SAMD12: variants seen among roughly 807,000 people sequenced by gnomAD.
The protein encoded by SAMD12 is sterile alpha motif domain-containing protein 12.
In SAMD12, 9 loss-of-function variants were observed where a neutral mutation model predicts 15.0. The ratio of observed to expected loss-of-function variants is 0.60; its 90% CI spans 0.36 to 1.05. The LOEUF (loss-of-function observed/expected upper bound fraction) is 1.05. Ranked by LOEUF, SAMD12 falls within the 50% of genes least tolerant of loss-of-function variation. The pLI, the probability that SAMD12 is intolerant of heterozygous loss-of-function variation, is 0.01. For synonymous variants in SAMD12, 86 were observed against 90.1 expected (o/e 0.96, Z 0.25); for missense variants, 230 against 234.2 (o/e 0.98, Z 0.12).
chr8:118,474,205 C>G (rs1269496258), intron 2 of SAMD12, among the ~76,000 whole-genome samples: 1 of 151,898 alleles, frequency 6.6e-6, no homozygotes, highest in African/African-American at 2.4e-5. Context: ...AAGTGATCCT[C>G]CCACCTCGGC....
chr8:118,139,835 CA>C, the SAMD12 span, among the ~76,000 whole-genome samples: 1 of 152,234 alleles, frequency 6.6e-6, no homozygotes, highest in African/African-American at 2.4e-5. Context: ...GGCTCTCATT[CA>C]AACTCTGTCA....
At chr8:118,254,670 A>G (rs1377929995) in intron 4 of SAMD12, among the ~76,000 whole-genome samples, 1 of 151,956 alleles carries the variant, frequency 6.6e-6, no homozygotes, top group Non-Finnish European at 1.5e-5. Context: ...GCCACACCAC[A>G]TGACAGGCCT....
chr8:118,196,426 G>T (rs1169126673), exon 5 of SAMD12: 1 of 152,044 alleles, frequency 6.6e-6, no homozygotes, highest in Non-Finnish European at 1.5e-5. Flanking sequence ...ATATGAACAT[G>T]TCTCTAATGC....
intron 4 of SAMD12, among the ~76,000 whole-genome samples, chr8:118,312,298 G>GC (rs1815671294): frequency 6.6e-6 from 1 of 152,052 alleles, no homozygotes; most frequent in Non-Finnish European, 1.5e-5. Context: ...TCTGACTGCT[G>GC]CTCTACACTA....
chr8:118,352,102 C>A (rs1355850249), intron 4 of SAMD12, among the ~76,000 whole-genome samples: 4 of 152,200 alleles, frequency 2.6e-5, no homozygotes, highest in Admixed American at 2.6e-4. Flanking sequence ...ATGCGTTTAA[C>A]ACTGTGCACA....
chr8:118,468,883 C>T (rs142183122), intron 2 of SAMD12, among the ~76,000 whole-genome samples: 1,561 of 152,286 alleles, frequency 0.01, 34 homozygotes, highest in African/African-American at 0.035. Flanking sequence ...TGATGACTAA[C>T]GAGATGCAAA....
At chr8:118,302,930 T>C (rs1418784938) in intron 4 of SAMD12, among the ~76,000 whole-genome samples, 6 of 152,186 alleles carry the variant, frequency 3.9e-5, no homozygotes, top group African/African-American at 1.4e-4. Flanking sequence ...ATATATTAAA[T>C]CAAAGTGCAA....
rs534843222 is a variant in SAMD12, at chr8:118,259,537, T to C, written c.434-61805A>G. On this transcript the variant is annotated intron_variant, in intron 4 of 4. Coordinates refer to the SAMD12 transcript ENST00000409003. Reference sequence around the variant, plus strand: ...ATGAGACTGAGAAACCCTGGTTTAGTGGAACACAATTTAATCATTTGAAAA... The same window carrying C: ...ATGAGACTGAGAAACCCTGGTTTAGCGGAACACAATTTAATCATTTGAAAA... Among the ~76,000 whole-genome samples the C allele has an allele frequency of 1.9e-3, 282 of 152,234 alleles. 1 individual carries two copies. The highest frequency in any genetic ancestry group is 0.015 in the South Asian group (74 of 4,828).
At chr8:118,416,948 A>C (rs1489188725) in intron 3 of SAMD12, among the ~76,000 whole-genome samples, 1 of 152,218 alleles carries the variant, frequency 6.6e-6, no homozygotes, top group Non-Finnish European at 1.5e-5. Context: ...AAAAAAATGC[A>C]GCAGATAAAA....
At chr8:118,289,861 T>C (rs1481235230) in intron 4 of SAMD12, among the ~76,000 whole-genome samples, 1 of 152,208 alleles carries the variant, frequency 6.6e-6, no homozygotes, top group Non-Finnish European at 1.5e-5. Flanking sequence ...TCTTTTGAGA[T>C]ACAGAGAGTA....
At chr8:118,163,996 G>T in the SAMD12 span, among the ~76,000 whole-genome samples, 5 of 152,324 alleles carry the variant, frequency 3.3e-5, no homozygotes, top group East Asian at 9.7e-4. Context: ...GTAGGAACGA[G>T]GTTTCTCCTC....
Position 118,574,329 on chromosome 8 carries a change from A to G in SAMD12, c.192+6386T>C, listed in dbSNP as rs115523322. Among the ~76,000 whole-genome samples the G allele has an allele frequency of 5.9e-3, 904 of 152,342 alleles. 18 individuals are homozygous for G. The highest frequency in any genetic ancestry group is 0.021 in the African/African-American group (856 of 41,582). On this transcript the variant is annotated intron_variant, in intron 2 of 3. Transcript: ENST00000314727. ...TGTACTCTTCGTCCACTAGACAAAT[A>G]CTATTAACTAAGTGGCTCCAAGCAC...
intron 4 of SAMD12, among the ~76,000 whole-genome samples, chr8:118,349,652 T>C (rs1817856114): frequency 6.6e-6 from 1 of 152,240 alleles, no homozygotes; most frequent in South Asian, 2.1e-4. Flanking sequence ...ACATAGTACA[T>C]GCTCAATAAA....
chr8:118,506,432 T>G (rs1824922413), intron 2 of SAMD12, among the ~76,000 whole-genome samples: 5 of 152,194 alleles, frequency 3.3e-5, no homozygotes, highest in Admixed American at 2.6e-4. Flanking sequence ...CCCATTCCCT[T>G]CTGACAGTCT....
At chr8:118,504,964 A>C (rs1334857094) in intron 2 of SAMD12, among the ~76,000 whole-genome samples, 1 of 152,164 alleles carries the variant, frequency 6.6e-6, no homozygotes, top group African/African-American at 2.4e-5. Context: ...TTGACTTGCT[A>C]TTTCTAAAAG....
chr8:118,295,651 T>C (rs917005183), intron 4 of SAMD12: 8 of 126,722 alleles, frequency 6.3e-5, no homozygotes, highest in African/African-American at 3.1e-4. Flanking sequence ...CACTGATTTT[T>C]TTTTTTTTTT....
chr8:118,229,084 T>C (rs980790756), intron 4 of SAMD12, among the ~76,000 whole-genome samples: 18 of 152,022 alleles, frequency 1.2e-4, no homozygotes, highest in African/African-American at 3.9e-4. Context: ...AGCTAAGCTA[T>C]GAGAACGCAA....
At chr8:118,495,000 G>A (rs1469945847) in intron 2 of SAMD12, among the ~76,000 whole-genome samples, 2 of 152,146 alleles carry the variant, frequency 1.3e-5, no homozygotes, top group Admixed American at 6.5e-5. Flanking sequence ...TCTACAGGCT[G>A]GGGATATGAA....
intron 4 of SAMD12, among the ~76,000 whole-genome samples, chr8:118,357,009 C>T (rs1818261160): frequency 6.6e-6 from 1 of 152,242 alleles, no homozygotes; most frequent in Non-Finnish European, 1.5e-5. Context: ...ATTGGACTAT[C>T]TGACCTCCTT....
Sources: gnomAD v4.1 joint callset for allele counts (sites outside exome capture counted in the v4.1 genomes callset) on GRCh38, gnomAD v4.1.1 for gene constraint, MANE v1.5 for transcripts, NCBI Gene and HGNC (gene_info 2026-07-23, HGNC 2026-07-21) for gene names.